Variants in WDR37 observed in about 807,000 individuals in gnomAD.
WDR37 encodes the protein WD repeat-containing protein 37.
WDR37 carries 19 observed loss-of-function variants against 62.9 expected under a neutral mutation model. The observed-to-expected ratio is 0.30, with a 90% CI of 0.21 to 0.44. The LOEUF (loss-of-function observed/expected upper bound fraction) is 0.44. WDR37 is among the 20% of genes least tolerant of loss of function. The pLI, the probability that WDR37 is intolerant of heterozygous loss-of-function variation, is 1.00. For synonymous variants in WDR37, 250 were observed against 260.9 expected, an observed-to-expected ratio of 0.96 and a Z score of 0.40; for missense variants, 474 against 657.6, an observed-to-expected ratio of 0.72 and a Z score of 3.05.
intron 11 of WDR37, among the ~76,000 whole-genome samples, chr10:1,109,132 A>AT (rs2131670145): frequency 6.6e-6 from 1 of 152,284 alleles, no homozygotes; most frequent in Non-Finnish European, 1.5e-5. Context: ...AAACTGAGGC[A>AT]TGAGGAGGCC....
Position 1,103,661 on chromosome 10 carries a change from T to A in WDR37, c.786T>A (p.Asp262Glu). Reference protein sequence around the residue: ...SDKDEPDLDGDVSSDCPTIRV... With the variant: ...SDKDEPDLDGEVSSDCPTIRV... ...AGGACGAGCCCGACCTCGATGGGGA[T>A]GTGTCCAGCGACTGCCCCACCATCC... Residue 262 changes from aspartate (D) to glutamate (E), a missense_variant, in exon 10 of 14, where the codon GAT (aspartate) becomes GAA (glutamate). Asp to Glu is a conservative substitution (Grantham distance 45). Coordinates refer to ENST00000263150, the MANE Select transcript of WDR37 (RefSeq NM_014023.4). The surrounding 1 kb of genome is among the most constrained non-coding windows in gnomAD (Gnocchi z 6.3). 6.2e-7 allele frequency: 1 copy of A among 1,614,246 alleles called. No homozygotes were observed. The highest frequency in any genetic ancestry group is 1.1e-5 in the South Asian group (1 of 91,080).
At chr10:1,077,224 C>A (rs918363551) in intron 2 of WDR37, among the ~76,000 whole-genome samples, 32 of 152,206 alleles carry the variant, frequency 2.1e-4, no homozygotes, top group Admixed American at 4.6e-4. Flanking sequence ...TGCTCAGGAC[C>A]TGCTTACTTG....
At chr10:1,080,180 T>C (rs1018791294) in intron 4 of WDR37, 74 bp downstream of exon 4, 29 of 1,551,776 alleles carry the variant, frequency 1.9e-5, no homozygotes, top group Non-Finnish European at 2.4e-5. Flanking sequence ...TGAAGGATGC[T>C]GGCTGGTTTG....
intron 9 of WDR37, among the ~76,000 whole-genome samples, chr10:1,100,819 C>T (rs898340833): frequency 6.6e-6 from 1 of 152,180 alleles, no homozygotes; most frequent in Admixed American, 6.5e-5. Flanking sequence ...GTGCTGTCAC[C>T]CATCACCCCC....
chr10:1,065,757 G>A (rs572886501), intron 1 of WDR37, among the ~76,000 whole-genome samples: 4 of 152,296 alleles, frequency 2.6e-5, no homozygotes, highest in East Asian at 1.9e-4. Flanking sequence ...ATTTTCACCC[G>A]AATATTCAGG....
At chr10:1,080,202 C>T (rs1833987246) in intron 4 of WDR37, 96 bp downstream of exon 4, 3 of 1,413,114 alleles carry the variant, frequency 2.1e-6, no homozygotes, top group Non-Finnish European at 3.0e-6. Context: ...GTTTTGCTGT[C>T]AGCAGACCTC....
intron 8 of WDR37, among the ~76,000 whole-genome samples, chr10:1,094,696 A>G (rs1266582267): frequency 6.6e-6 from 1 of 152,210 alleles, no homozygotes; most frequent in East Asian, 1.9e-4. Context: ...GTGGAACCAG[A>G]CACATCCAGG....
At chr10:1,083,462 C>T (rs752664862) in intron 5 of WDR37, among the ~76,000 whole-genome samples, 36 of 152,236 alleles carry the variant, frequency 2.4e-4, no homozygotes, top group Non-Finnish European at 3.8e-4. Flanking sequence ...TATGCCAAAT[C>T]AGTGTTTGAA....
At chr10:1,116,736 C>T (rs895649322) in intron 11 of WDR37, among the ~76,000 whole-genome samples, 3 of 152,150 alleles carry the variant, frequency 2.0e-5, no homozygotes, top group African/African-American at 4.8e-5. Flanking sequence ...CAGCAGTTGG[C>T]GGGAACAGAA....
chr10:1,120,168 G>T (rs1269710819), intron 11 of WDR37, among the ~76,000 whole-genome samples: 3 of 152,218 alleles, frequency 2.0e-5, no homozygotes, highest in Non-Finnish European at 4.4e-5. Context: ...AATTCCAAAA[G>T]GCGTGGGTGA....
At chr10:1,062,398 A>G (rs928305504) in intron 1 of WDR37, among the ~76,000 whole-genome samples, 1 of 152,178 alleles carries the variant, frequency 6.6e-6, no homozygotes, top group Non-Finnish European at 1.5e-5. Flanking sequence ...TAATCTCTGC[A>G]TTTTTGGTAA....
At chr10:1,069,167 T>C (rs1833642819) in intron 1 of WDR37, among the ~76,000 whole-genome samples, 2 of 151,930 alleles carry the variant, frequency 1.3e-5, no homozygotes, top group African/African-American at 4.8e-5. Context: ...GCCATTGAAT[T>C]GTGCACTTTA....
At chr10:1,098,971 A>G (rs1411542942) in intron 9 of WDR37, among the ~76,000 whole-genome samples, 3 of 152,194 alleles carry the variant, frequency 2.0e-5, no homozygotes, top group Admixed American at 2.0e-4. Flanking sequence ...CATCTGTTTA[A>G]TATTAGACAT....
chr10:1,091,862 T>G (rs962189010), intron 7 of WDR37, among the ~76,000 whole-genome samples: 3 of 152,168 alleles, frequency 2.0e-5, no homozygotes, highest in Non-Finnish European at 2.9e-5. Context: ...GAAGGTGAAG[T>G]GCCAGGGTCT....
At position 1,084,389 on chromosome 10, in the gene WDR37, C is replaced by T. The variant is rs752743595; in HGVS notation, c.397-14C>T. The stretch of plus-strand genomic sequence containing the variant: ...CAGTAAATTGTTTCACAAGACTCCC[C>T]ATCTTGGTTTCAGATTGTCTCCAGC... On this transcript the variant is annotated splice_polypyrimidine_tract_variant and intron_variant, in intron 5 of 13. Coordinates refer to ENST00000263150, the MANE Select transcript of WDR37 (RefSeq NM_014023.4). 6.2e-7 allele frequency: 1 copy of T among 1,604,578 alleles called. No individual in the cohort carries two copies. Among genetic ancestry groups the T allele is most frequent in the Non-Finnish European group, 8.5e-7 (1 of 1,172,318 alleles).
rs1179808594 is a variant in WDR37, at chr10:1,130,599, A to G, written c.*1255A>G. Reference sequence around the variant, plus strand: ...TTACAGTTTTGATAAAGAGGCTCTCATTTCCTGTGTCTTGTATATTCAGTC... The same window carrying G: ...TTACAGTTTTGATAAAGAGGCTCTCGTTTCCTGTGTCTTGTATATTCAGTC... On this transcript the variant is annotated 3_prime_UTR_variant, in exon 14 of 14. Coordinates refer to ENST00000263150, the MANE Select transcript of WDR37 (RefSeq NM_014023.4). 6.6e-6 allele frequency: 1 copy of G among 152,194 alleles called. No individual in the cohort carries two copies. Among genetic ancestry groups the G allele is most frequent in the African/African-American group, 2.4e-5 (1 of 41,428 alleles). The allele number at this position is 152,194 out of a possible 1,614,324, so 9.4% of individuals were successfully genotyped here.
At chr10:1,118,492 G>T (rs181204893) in intron 11 of WDR37, among the ~76,000 whole-genome samples, 5 of 144,214 alleles carry the variant, frequency 3.5e-5, no homozygotes, top group Admixed American at 1.4e-4. Flanking sequence ...TCTGAGCTGC[G>T]TGCACTCAGC....
chr10:1,096,636 C>A, intron 9 of WDR37: 1 of 197,780 alleles, frequency 5.1e-6, no homozygotes, highest in Non-Finnish European at 1.0e-5. Flanking sequence ...ATGCGTCGCC[C>A]GGTCTGCGGC....
chr10:1,095,756 T>A (rs1834555465), intron 8 of WDR37, among the ~76,000 whole-genome samples: 1 of 152,170 alleles, frequency 6.6e-6, no homozygotes, highest in Non-Finnish European at 1.5e-5. Flanking sequence ...CCTGGCCCAT[T>A]GAAAGGCCGC....
Sources: gnomAD v4.1 joint callset for allele counts (sites outside exome capture counted in the v4.1 genomes callset) on GRCh38, gnomAD v4.1.1 for gene constraint, Gnocchi (gnomAD v3.1) non-coding constraint, MANE v1.5 for transcripts, NCBI Gene and HGNC (gene_info 2026-07-23, HGNC 2026-07-21) for gene names.